GALNT13: variants seen among roughly 807,000 people sequenced by gnomAD.
GALNT13 encodes UDP-GalNAc:polypeptide N-acetylgalactosaminyltransferase 13.
A neutral mutation model predicts 64.2 loss-of-function variants in GALNT13; 28 were observed. The ratio of observed to expected loss-of-function variants is 0.44; its 90% CI spans 0.32 to 0.60. The LOEUF (loss-of-function observed/expected upper bound fraction) is 0.60. Among genes scored for constraint, GALNT13 ranks in the 20% least tolerant of loss-of-function variants. GALNT13 has a pLI of 0.05. For missense variants in GALNT13, 577 were observed against 669.8 expected (o/e 0.86, Z 1.53); for synonymous variants, 214 against 224.6 (o/e 0.95, Z 0.42).
the GALNT13 span, chr2:153,593,244 G>C: frequency 6.6e-6 from 1 of 152,334 alleles, no homozygotes; most frequent in Non-Finnish European, 1.5e-5. Flanking sequence ...TACCCAGTGA[G>C]AGTGAGACCA....
chr2:154,269,906 GTATATA>G lies in GALNT13; in HGVS notation c.975+10782_975+10787del, dbSNP rs67387315. Among the ~76,000 whole-genome samples the G allele has an allele frequency of 5.2e-5, 5 of 96,858 alleles. 1 individual carries two copies. Among genetic ancestry groups the G allele is most frequent in the East Asian group, 9.5e-4 (2 of 2,100 alleles). 63.5% of individuals were successfully genotyped at this position (96,858 alleles called of 152,430 possible). A position where few individuals can be genotyped will look rare whatever the true frequency, so the allele number is the denominator to read the frequency against. On this transcript the variant is annotated intron_variant, in intron 8 of 12. Coordinates refer to ENST00000392825, the MANE Select transcript of GALNT13 (RefSeq NM_052917.4). ...GTCATATATATATTTATATATATGT[GTATATA>G]TATATATATATATTTCTAAAGCACA... is the stretch of plus-strand genomic sequence containing the variant.
chr2:153,573,060 T>G, the GALNT13 span, among the ~76,000 whole-genome samples: 1 of 152,026 alleles, frequency 6.6e-6, no homozygotes, highest in African/African-American at 2.4e-5. Flanking sequence ...CAACTATTAT[T>G]GTATTTTGGT....
intron 11 of GALNT13, among the ~76,000 whole-genome samples, chr2:154,420,709 C>T (rs762699704): frequency 7.9e-5 from 12 of 152,068 alleles, no homozygotes; most frequent in Non-Finnish European, 1.6e-4. Context: ...TAATTATTTT[C>T]ACCATAACCA....
chr2:154,346,469 G>T (rs1212035905), intron 9 of GALNT13, among the ~76,000 whole-genome samples: 1 of 152,036 alleles, frequency 6.6e-6, no homozygotes, highest in Non-Finnish European at 1.5e-5. Context: ...GGAGATAATT[G>T]AATCGTGGGC....
the GALNT13 span, among the ~76,000 whole-genome samples, chr2:153,221,582 G>C: frequency 6.6e-6 from 1 of 152,158 alleles, no homozygotes; most frequent in East Asian, 1.9e-4. Context: ...CCGGAGTTTT[G>C]CTCGGGCCTG....
chr2:153,741,232 A>G, the GALNT13 span, among the ~76,000 whole-genome samples: 2 of 151,846 alleles, frequency 1.3e-5, no homozygotes, highest in African/African-American at 4.8e-5. Context: ...TATAAATACT[A>G]TCTGTATTTT....
At chr2:153,580,466 C>G in the GALNT13 span, among the ~76,000 whole-genome samples, 1 of 152,068 alleles carries the variant, frequency 6.6e-6, no homozygotes, top group South Asian at 2.1e-4. Flanking sequence ...TTCAGAATAT[C>G]TACTTGTATG....
the GALNT13 span, among the ~76,000 whole-genome samples, chr2:153,115,417 A>G: frequency 6.6e-6 from 1 of 152,206 alleles, no homozygotes; most frequent in African/African-American, 2.4e-5. Flanking sequence ...TCATCAAACC[A>G]GTGCATGGTT....
the GALNT13 span, among the ~76,000 whole-genome samples, chr2:153,587,799 G>C: frequency 6.6e-6 from 1 of 152,142 alleles, no homozygotes; most frequent in African/African-American, 2.4e-5. Flanking sequence ...ACTCATTTCA[G>C]CATTAACTCA....
At chr2:154,209,933 A>T (rs1019861512) in intron 4 of GALNT13, among the ~76,000 whole-genome samples, 10 of 152,174 alleles carry the variant, frequency 6.6e-5, no homozygotes, top group Non-Finnish European at 1.5e-4. Flanking sequence ...CATGCTGTGC[A>T]ACAGATCTCA....
the GALNT13 span, among the ~76,000 whole-genome samples, chr2:153,398,821 T>C: frequency 1.4e-5 from 2 of 139,374 alleles, no homozygotes; most frequent in African/African-American, 5.5e-5. Context: ...TTCTGGATAT[T>C]AGCCCTTTGT....
At chr2:154,412,261 T>C (rs1443650103) in intron 11 of GALNT13, among the ~76,000 whole-genome samples, 1 of 151,800 alleles carries the variant, frequency 6.6e-6, no homozygotes, top group Non-Finnish European at 1.5e-5. Context: ...GAATTCAATA[T>C]TTCTAAGATA....
intron 3 of GALNT13, among the ~76,000 whole-genome samples, chr2:154,082,001 G>A (rs1317577174): frequency 6.6e-6 from 1 of 151,614 alleles, no homozygotes; most frequent in Non-Finnish European, 1.5e-5. Flanking sequence ...CCTAGCTTCT[G>A]TTTAAAATCT....
the GALNT13 span, among the ~76,000 whole-genome samples, chr2:153,430,527 GGAGAGAGA>G: frequency 9.9e-5 from 14 of 140,910 alleles, no homozygotes; most frequent in South Asian, 4.8e-4. Context: ...AGGTAGGTAG[GGAGAGAGA>G]GAGAGAGAGA....
chr2:153,261,424 C>T, the GALNT13 span, among the ~76,000 whole-genome samples: 2 of 152,110 alleles, frequency 1.3e-5, no homozygotes, highest in African/African-American at 4.8e-5. Context: ...TTTGCTTAAC[C>T]CTGTTGCTCT....
intron 3 of GALNT13, among the ~76,000 whole-genome samples, chr2:153,966,219 CT>C (rs761961683): frequency 8.8e-4 from 106 of 120,108 alleles, no homozygotes; most frequent in Middle Eastern, 4.8e-3. Context: ...GGTTGGATTT[CT>C]TTTTTTTTTT....
chr2:153,567,419 T>C, the GALNT13 span, among the ~76,000 whole-genome samples: 2 of 152,212 alleles, frequency 1.3e-5, no homozygotes, highest in Admixed American at 6.5e-5. Flanking sequence ...GCCATTAGCA[T>C]TGGTAGAAGT....
the GALNT13 span, among the ~76,000 whole-genome samples, chr2:153,251,074 C>A: frequency 6.6e-6 from 1 of 152,008 alleles, no homozygotes; most frequent in South Asian, 2.1e-4. Context: ...ATTACTCAAT[C>A]TTTTAGATAG....
the GALNT13 span, among the ~76,000 whole-genome samples, chr2:153,142,616 G>C: frequency 2.0e-5 from 3 of 150,378 alleles, no homozygotes; most frequent in South Asian, 2.1e-4. Context: ...CCGAGAGCAA[G>C]AGCAAGAGAG....
Sources: gnomAD v4.1 joint callset for allele counts (sites outside exome capture counted in the v4.1 genomes callset) on GRCh38, gnomAD v4.1.1 for gene constraint, MANE v1.5 for transcripts, NCBI Gene and HGNC (gene_info 2026-07-23, HGNC 2026-07-21) for gene names.